OR1L8: variants seen among roughly 807,000 people sequenced by gnomAD.
The protein encoded by OR1L8 is olfactory receptor family 1 subfamily L member 8, also known as olfactory receptor 1L8.
For missense variants in OR1L8, 330 were observed against 377.4 expected, an observed-to-expected ratio of 0.87 and a Z score of 1.04; for synonymous variants, 148 against 147.0, an observed-to-expected ratio of 1.01 and a Z score of -0.05.
chr9:122,577,654 C>T (rs566636125), intron 2 of OR1L8, among the ~76,000 whole-genome samples: 3 of 152,130 alleles, frequency 2.0e-5, no homozygotes, highest in East Asian at 3.9e-4. Context: ...AATCATAATA[C>T]CTAGTATTAA....
rs1362285976 is a variant in OR1L8, at chr9:122,568,173, ATC to A, written c.303_304del (p.Gln101HisfsTer11). On this transcript the variant is annotated frameshift_variant, in exon 5 of 5. Transcript: ENST00000641027. LOFTEE classifies it low-confidence loss of function (END_TRUNC). ...GTTGCCCAAGGCATAGAGAAAATAC[ATC>A]TGTGTCAGACACCCAGCATAGGAGA... is the stretch of plus-strand genomic sequence containing the variant. The A allele has an allele frequency of 3.8e-5, 61 of 1,614,194 alleles. No homozygotes were observed. Among genetic ancestry groups the A allele is most frequent in the Non-Finnish European group, 5.2e-5 (61 of 1,180,030 alleles).
intron 3 of OR1L8, among the ~76,000 whole-genome samples, chr9:122,574,444 G>T (rs770989472): frequency 6.6e-6 from 1 of 151,886 alleles, no homozygotes; most frequent in African/African-American, 2.4e-5. Flanking sequence ...TTTATTTTGG[G>T]GGGTGCTAAT....
intron 3 of OR1L8, among the ~76,000 whole-genome samples, 157 bp downstream of exon 3, chr9:122,576,609 A>G (rs1829661678): frequency 6.6e-6 from 1 of 152,100 alleles, no homozygotes; most frequent in African/African-American, 2.4e-5. Context: ...AATACTGTAT[A>G]TATCTTCACT....
Position 122,568,186 on chromosome 9 carries a change from A to C in OR1L8, c.292T>G (p.Cys98Gly). ...SEKKTISYAG[C>G]LTQMYFLYAL... ...TAGAGAAAATACATCTGTGTCAGAC[A>C]CCCAGCATAGGAGATGGTCTTCTTT... The change falls in exon 5 of 5, where the codon TGT becomes GGT. Residue 98 changes from cysteine (C) to glycine (G), a missense_variant. Transcript: ENST00000641027. 1 of 1,614,218 alleles carries C rather than the reference A, an allele frequency of 6.2e-7. No individual in the cohort carries two copies. Among genetic ancestry groups the C allele is most frequent in the Non-Finnish European group, 8.5e-7 (1 of 1,180,036 alleles).
chr9:122,582,546 T>C (rs555628437), intron 1 of OR1L8, among the ~76,000 whole-genome samples: 1 of 147,368 alleles, frequency 6.8e-6, no homozygotes, highest in African/African-American at 2.5e-5. Flanking sequence ...CAAGATCTTA[T>C]CTCTGCACAA....
chr9:122,580,024 A>G (rs1191342137), intron 1 of OR1L8, among the ~76,000 whole-genome samples: 1 of 152,224 alleles, frequency 6.6e-6, no homozygotes, highest in Non-Finnish European at 1.5e-5. Flanking sequence ...CTGCAGCCCA[A>G]CTATCAGGAA....
At position 122,571,608 on chromosome 9, in the gene OR1L8, C is replaced by T. The variant is rs538518067; in HGVS notation, c.-213+1172G>A. ...GGGCGCACCTGTAGTCCCAGCTACT[C>T]GGGAGGCTGAGGCAGAAGAATCGCT... On this transcript the variant is annotated intron_variant, in intron 4 of 4. Transcript: ENST00000641027. 2.6e-4 allele frequency among the ~76,000 whole-genome samples: 39 copies of T among 148,628 alleles called. 1 individual carries two copies. The East Asian group carries it at 6.6e-3, about 25-fold the overall frequency.
At chr9:122,580,754 T>C (rs1198526700) in intron 1 of OR1L8, among the ~76,000 whole-genome samples, 1 of 152,096 alleles carries the variant, frequency 6.6e-6, no homozygotes, top group Non-Finnish European at 1.5e-5. Flanking sequence ...TGTGCTGGTG[T>C]CAGGGTATGT....
At chr9:122,574,496 G>A (rs1829606942) in intron 3 of OR1L8, among the ~76,000 whole-genome samples, 1 of 151,996 alleles carries the variant, frequency 6.6e-6, no homozygotes, top group South Asian at 2.1e-4. Flanking sequence ...CCACTTGTTT[G>A]TTGCTAATAT....
rs144149024 is a variant in OR1L8, at chr9:122,568,111, G to A, written c.367C>T (p.Arg123Cys). The change falls in exon 5 of 5, where the codon CGC (arginine) becomes TGC (cysteine). Residue 123 changes from arginine to cysteine, a missense_variant. Transcript: ENST00000641027. ...AAAGGGTCACAGACGGCCACATAGC[G>A]GTCAAAGGCCATGACTGCCAGAAGG... ...SCLLAVMAFD[R>C]YVAVCDPFHY... 108 of 1,613,978 alleles carry A rather than the reference G, an allele frequency of 6.7e-5. No individual in the cohort carries two copies. Among genetic ancestry groups the A allele is most frequent in the Admixed American group, 1.7e-4 (10 of 60,006 alleles).
At chr9:122,580,228 C>G (rs971500967) in intron 1 of OR1L8, among the ~76,000 whole-genome samples, 1 of 152,144 alleles carries the variant, frequency 6.6e-6, no homozygotes, top group African/African-American at 2.4e-5. Flanking sequence ...ACATAGGACA[C>G]CTTCCACGTC....
intron 4 of OR1L8, among the ~76,000 whole-genome samples, chr9:122,570,801 T>C (rs1829534161): frequency 6.6e-6 from 1 of 151,068 alleles, no homozygotes; most frequent in Non-Finnish European, 1.5e-5. Context: ...GAATCAGTAA[T>C]TAAAGTCAAT....
rs535241572 is a variant in OR1L8 at position 122,575,101 on chromosome 9, A to G, written c.-342+1665T>C. ...TATACATTGTTGGATTCAATTTGCA[A>G]ACATTTTGTTTAGAGTTATGCATGT... On this transcript the variant is annotated intron_variant, in intron 3 of 4. Coordinates refer to ENST00000641027, the MANE Select transcript of OR1L8 (RefSeq NM_001004454.2). Among the ~76,000 whole-genome samples the G allele has an allele frequency of 2.6e-5, 4 of 152,206 alleles. No homozygotes were observed. In the South Asian group the frequency reaches 8.3e-4, roughly 31 times the overall value.
chr9:122,572,670 A>G (rs1359413274), intron 4 of OR1L8, 110 bp downstream of exon 4: 1 of 152,144 alleles, frequency 6.6e-6, no homozygotes, highest in East Asian at 1.9e-4. Context: ...TAAATGAGTC[A>G]GATGGTGGTT....
the OR1L8 span, among the ~76,000 whole-genome samples, chr9:122,557,278 G>C: frequency 1.5e-3 from 235 of 152,050 alleles, 2 homozygotes; most frequent in African/African-American, 5.5e-3. Flanking sequence ...GTAATGAGGG[G>C]GGACATTTTT....
Position 122,568,474 on chromosome 9 carries a change from C to G in OR1L8, c.4G>C (p.Glu2Gln), listed in dbSNP as rs369249192. Residue 2 changes from glutamate to glutamine, a missense_variant, in exon 5 of 5, where the codon GAA becomes CAA. Transcript: ENST00000641027. ...ACACTGCTGGTGTGGTTGATTCTTT[C>G]CATTGACTTGGGCTCAGTTATAAAC... M[E>Q]RINHTSSVSE... 8.9e-6 allele frequency: 14 copies of G among 1,565,186 alleles called. No homozygotes were observed. The highest frequency in any genetic ancestry group is 6.8e-5 in the African/African-American group (5 of 73,272).
the OR1L8 span, among the ~76,000 whole-genome samples, chr9:122,555,126 G>T: frequency 5.3e-5 from 8 of 152,124 alleles, no homozygotes; most frequent in Non-Finnish European, 1.2e-4. Flanking sequence ...AAATTTGAGG[G>T]TTGGCACAAA....
Position 122,568,223 on chromosome 9 carries a change from G to A in OR1L8, c.255C>T (p.Asn85=). ...TTSVVPKMLM[N]FLSEKKTISY... is the part of the protein sequence containing the mutation. ...AGATGGTCTTCTTTTCTGACAGGAA[G>A]TTCATCAGCATCTTGGGGACAACGC... The change falls in exon 5 of 5, where the codon AAC becomes AAT. Residue 85 remains asparagine (N), a synonymous_variant. Transcript: ENST00000641027. 6.2e-7 allele frequency: 1 copy of A among 1,614,174 alleles called. No homozygotes were observed. Among genetic ancestry groups the A allele is most frequent in the Non-Finnish European group, 8.5e-7 (1 of 1,180,002 alleles).
chr9:122,556,365 C>T, the OR1L8 span, among the ~76,000 whole-genome samples: 1 of 151,372 alleles, frequency 6.6e-6, no homozygotes, highest in Non-Finnish European at 1.5e-5. Context: ...TGTCTTTCAT[C>T]CTTTGTCAAA....
Sources: allele counts gnomAD v4.1 joint callset (sites outside exome capture counted in the v4.1 genomes callset), GRCh38; gene constraint gnomAD v4.1.1; transcripts MANE v1.5; gene names NCBI Gene and HGNC (gene_info 2026-07-23, HGNC 2026-07-21).